The following SLC22A25 variants were observed in gnomAD, a reference collection of about 807,000 sequenced individuals.
SLC22A25 encodes the protein MGI:2442751, MGI:2385316, MGI:3042283, MGI:3645714, MGI:3605624, MGI:2442750.
Under a neutral mutation model 45.9 loss-of-function variants are expected in SLC22A25, and 44 were observed. The ratio of observed to expected loss-of-function variants is 0.96; its 90% CI spans 0.75 to 1.23. The LOEUF (loss-of-function observed/expected upper bound fraction) is 1.23, where lower values mean the gene tolerates loss of function less well. SLC22A25 is among the 50% of genes most tolerant of loss of function. SLC22A25 has a pLI of 0.00. For synonymous variants in SLC22A25, 283 were observed against 238.6 expected, an observed-to-expected ratio of 1.19 and a Z score of -1.72; for missense variants, 800 against 666.4, an observed-to-expected ratio of 1.20 and a Z score of -2.21.
intron 7 of SLC22A25, among the ~76,000 whole-genome samples, chr11:63,212,230 C>G (rs1296187427): frequency 5.3e-4 from 1 of 1,870 alleles, no homozygotes; most frequent in African/African-American, 1.0e-3. Context: ...GGACTGTAAA[C>G]TAGTTCAACC....
intron 9 of SLC22A25, among the ~76,000 whole-genome samples, chr11:63,174,212 C>T (rs2088002103): frequency 6.6e-6 from 1 of 152,074 alleles, no homozygotes; most frequent in African/African-American, 2.4e-5. Flanking sequence ...TCATCCATGT[C>T]CCTGCAAAGG....
At chr11:63,218,861 T>C (rs1350517872) in intron 5 of SLC22A25, among the ~76,000 whole-genome samples, 1 of 152,228 alleles carries the variant, frequency 6.6e-6, no homozygotes, top group Non-Finnish European at 1.5e-5. Flanking sequence ...TTGTCATTTG[T>C]TACTGTATTG....
At chr11:63,175,937 T>G (rs1159349585) in intron 9 of SLC22A25, among the ~76,000 whole-genome samples, 1 of 152,000 alleles carries the variant, frequency 6.6e-6, no homozygotes, top group East Asian at 1.9e-4. Flanking sequence ...GGCACATATA[T>G]GTGGATATGT....
chr11:63,158,801 T>C lies in SLC22A25; in HGVS notation c.*5023A>G, dbSNP rs1456993844. On this transcript the variant is annotated 3_prime_UTR_variant, in exon 12 of 12. Coordinates refer to ENST00000306494, the MANE Select transcript of SLC22A25 (RefSeq NM_199352.6). ...TATTTAAAAATGAATTAAGTTATTA[T>C]TGACTATAGTCATCCTGTTGTGCTA... Among the ~76,000 whole-genome samples the C allele has an allele frequency of 1.3e-5, 2 of 152,224 alleles. No individual in the cohort carries two copies. Among genetic ancestry groups the C allele is most frequent in the East Asian group, 3.8e-4 (2 of 5,202 alleles).
chr11:63,191,144 T>C (rs1397824950), intron 7 of SLC22A25, among the ~76,000 whole-genome samples: 1 of 152,226 alleles, frequency 6.6e-6, no homozygotes. Flanking sequence ...TGCCCTGAGA[T>C]GTGGAGTCTA....
intron 3 of SLC22A25, among the ~76,000 whole-genome samples, chr11:63,232,947 C>T (rs2090096856): frequency 6.6e-6 from 1 of 152,124 alleles, no homozygotes; most frequent in African/African-American, 2.4e-5. Context: ...TATTGATTTG[C>T]ATATGTTGAG....
chr11:63,196,300 C>CA (rs1053957203), intron 7 of SLC22A25, among the ~76,000 whole-genome samples: 162 of 151,492 alleles, frequency 1.1e-3, no homozygotes, highest in African/African-American at 2.8e-3. Context: ...GACACAACAA[C>CA]AAAAAAAAGA....
At position 63,229,324 on chromosome 11, in the gene SLC22A25, T is replaced by C; in HGVS notation, c.329A>G (p.Glu110Gly). The change falls in exon 4 of 12, where the codon GAG becomes GGG. Residue 110 changes from glutamate (E) to glycine (G), a missense_variant. Glu to Gly is a moderately conservative substitution (Grantham distance 98). Coordinates refer to ENST00000306494, the MANE Select transcript of SLC22A25 (RefSeq NM_199352.6). ...ATCCACACAGGGCTCTGTATCTGGC[T>C]CACTCGTGTTGGGGAAGGTCCCATT... is the stretch of plus-strand genomic sequence containing the variant. ...HLNGTFPNTSEPDTEPCVDGW... is the reference protein window; with the variant it reads ...HLNGTFPNTSGPDTEPCVDGW... 6.2e-7 allele frequency: 1 copy of C among 1,611,692 alleles called. No individual in the cohort carries two copies. The highest frequency in any genetic ancestry group is 8.5e-7 in the Non-Finnish European group (1 of 1,178,638).
intron 9 of SLC22A25, among the ~76,000 whole-genome samples, chr11:63,171,722 G>A (rs1288385295): frequency 6.6e-6 from 1 of 152,110 alleles, no homozygotes; most frequent in East Asian, 1.9e-4. Context: ...TCATGAAAAT[G>A]GCCATATTGC....
intron 7 of SLC22A25, among the ~76,000 whole-genome samples, chr11:63,211,124 C>A (rs188263801): frequency 6.6e-6 from 1 of 152,062 alleles, no homozygotes; most frequent in Non-Finnish European, 1.5e-5. Context: ...GAGGAAAACC[C>A]CCCTGGACTT....
At chr11:63,210,757 C>T (rs576513225) in intron 7 of SLC22A25, among the ~76,000 whole-genome samples, 21 of 152,206 alleles carry the variant, frequency 1.4e-4, no homozygotes, top group Non-Finnish European at 2.1e-4. Flanking sequence ...AGCCCCTCCA[C>T]GAAGAACTGT....
At chr11:63,212,871 C>T (rs1296102826) in intron 7 of SLC22A25, among the ~76,000 whole-genome samples, 1 of 152,064 alleles carries the variant, frequency 6.6e-6, no homozygotes, top group Non-Finnish European at 1.5e-5. Flanking sequence ...TTTGCACCAC[C>T]TAGTGACAAT....
At chr11:63,221,719 G>C (rs918206527) in intron 5 of SLC22A25, among the ~76,000 whole-genome samples, 6 of 152,102 alleles carry the variant, frequency 3.9e-5, no homozygotes, top group African/African-American at 1.4e-4. Flanking sequence ...CAATGTCCTG[G>C]AGAGTTTACC....
intron 8 of SLC22A25, 102 bp downstream of exon 8, chr11:63,183,592 C>A (rs1525072): frequency 1 from 1,482,792 of 1,483,558 alleles, 741,016 homozygotes; most frequent in Middle Eastern, 1. Context: ...ACCCATAACT[C>A]TACCTGTGTT....
chr11:63,173,789 G>A (rs186369176), intron 9 of SLC22A25, among the ~76,000 whole-genome samples: 40 of 152,152 alleles, frequency 2.6e-4, no homozygotes, highest in African/African-American at 8.7e-4. Context: ...TCCTTACCCA[G>A]GATCTGTAAG....
chr11:63,202,681 A>G (rs1469119055), intron 7 of SLC22A25, among the ~76,000 whole-genome samples: 3 of 152,156 alleles, frequency 2.0e-5, no homozygotes, highest in African/African-American at 4.8e-5. Flanking sequence ...TAAAATTCAC[A>G]TATCCCTGGG....
In SLC22A25 at chr11:63,196,785, G is replaced by C. The variant is rs186096364; in HGVS notation, c.831-12968C>G. 1.3e-5 allele frequency among the ~76,000 whole-genome samples: 2 copies of C among 152,222 alleles called. 1 individual carries two copies. The highest frequency in any genetic ancestry group is 4.8e-5 in the African/African-American group (2 of 41,520). On this transcript the variant is annotated intron_variant, in intron 7 of 11. Coordinates refer to ENST00000306494, the MANE Select transcript of SLC22A25 (RefSeq NM_199352.6). ...ATCAGGTAGGAGAAAGAAATAAAGG[G>C]TATTCAATTAGGAAAAGAGGAAGTC...
chr11:63,197,079 C>T (rs1165379543), intron 7 of SLC22A25, among the ~76,000 whole-genome samples: 1 of 152,116 alleles, frequency 6.6e-6, no homozygotes, highest in Non-Finnish European at 1.5e-5. Context: ...AGGAGAACTA[C>T]AAACCACTAC....
intron 9 of SLC22A25, among the ~76,000 whole-genome samples, chr11:63,172,931 C>T (rs900349088): frequency 1.3e-5 from 2 of 151,954 alleles, no homozygotes; most frequent in Non-Finnish European, 2.9e-5. Flanking sequence ...ATGTTTACTG[C>T]AGCACTATTC....
Sources: allele counts gnomAD v4.1 joint callset (sites outside exome capture counted in the v4.1 genomes callset), GRCh38; gene constraint gnomAD v4.1.1; transcripts MANE v1.5; gene names NCBI Gene and HGNC (gene_info 2026-07-23, HGNC 2026-07-21).